Variants in NEK3 observed in about 807,000 individuals in gnomAD.
NEK3 encodes the protein NIMA related kinase 3, also known as serine/threonine-protein kinase Nek3.
NEK3 carries 54 observed loss-of-function variants against 66.0 expected under a neutral mutation model. The observed-to-expected ratio is 0.82, with a 90% confidence interval of 0.66 to 1.03. The LOEUF is 1.03. NEK3 is among the 50% of genes least tolerant of loss of function. The pLI, the probability that NEK3 is intolerant of heterozygous loss-of-function variation, is 0.00. For synonymous variants in NEK3, 200 were observed against 206.2 expected (o/e 0.97, Z 0.26); for missense variants, 593 against 603.0 (o/e 0.98, Z 0.17).
chr13:52,143,924 T>C lies in NEK3; in HGVS notation c.868A>G (p.Arg290Gly). Reference protein sequence around the residue: ...EIKNSKHNTPRKKTNPSRIRI... With the variant: ...EIKNSKHNTPGKKTNPSRIRI... ...CTGTCAAAATTCTTACTTTTTTTTC[T>C]TGGTGTGTTATGCTTCGAATTTTTT... The change falls in exon 10 of 16, where the codon AGA becomes GGA. Residue 290 changes from arginine (R) to glycine (G), a missense_variant. Physicochemically the swap from Arg to Gly is moderately radical, Grantham distance 125. Transcript: ENST00000610828. The C allele has an allele frequency of 6.8e-7, 1 of 1,466,434 alleles. No individual in the cohort carries two copies. Among genetic ancestry groups the C allele is most frequent in the Non-Finnish European group, 9.3e-7 (1 of 1,077,122 alleles). 90.8% of individuals were successfully genotyped at this position (1,466,434 alleles called of 1,614,324 possible). A position where few individuals can be genotyped will look rare whatever the true frequency, so the allele number is the denominator to read the frequency against.
intron 11 of NEK3, 92 bp downstream of exon 11, chr13:52,140,928 C>A: frequency 9.8e-7 from 1 of 1,019,146 alleles, no homozygotes; most frequent in Non-Finnish European, 1.4e-6. Flanking sequence ...GATTCTCCTG[C>A]CTCAACCTCC....
intron 11 of NEK3, among the ~76,000 whole-genome samples, chr13:52,140,049 C>CAAAAAA (rs34051162): frequency 1.2e-5 from 1 of 86,666 alleles, no homozygotes; most frequent in African/African-American, 5.6e-5. Context: ...AAAAAAATGC[C>CAAAAAA]AAAAAAAAAA....
intron 12 of NEK3, 82 bp from the exon 13 acceptor site, chr13:52,136,341 A>C: frequency 7.5e-7 from 1 of 1,327,654 alleles, no homozygotes; most frequent in Non-Finnish European, 1.0e-6. Context: ...TCTAACAAAT[A>C]TGGAAGTGTT....
At chr13:52,156,388 T>A in intron 1 of NEK3, 140 bp from the exon 2 acceptor site, 1 of 403,560 alleles carries the variant, frequency 2.5e-6, no homozygotes, top group Non-Finnish European at 4.5e-6. Context: ...TACCCCAAAA[T>A]ATGCCACTTT....
rs962408583 is a variant in NEK3, at chr13:52,135,739, T to C, written c.1299A>G (p.Ile433Met). The C allele has an allele frequency of 1.2e-6, 2 of 1,612,784 alleles. No individual in the cohort carries two copies. Among genetic ancestry groups the C allele is most frequent in the African/African-American group, 1.3e-5 (1 of 75,010 alleles). Residue 433 changes from isoleucine to methionine, a missense_variant, in exon 14 of 16, where the codon ATA (isoleucine) becomes ATG (methionine). Physicochemically the swap from Ile to Met is conservative, Grantham distance 10. Transcript: ENST00000610828. ...ACAGACATGAATTACCTGGTCTATA[T>C]ATTGTGTATGTTTGAAAAGCCAAGC... ...DLSLAFQTYT[I>M]YRPGSEGFLK...
rs1555319853 is a variant in NEK3 at position 52,133,615 on chromosome 13, T to TAACACA, written c.1436+73_1436+74insTGTGTT. 3 of 1,309,398 alleles carry TAACACA rather than the reference T, an allele frequency of 2.3e-6. No homozygotes were observed. In the African/African-American group the frequency reaches 4.6e-5, roughly 20 times the overall value. The allele number at this position is 1,309,398 out of a possible 1,614,324, so 81.1% of individuals were successfully genotyped here. A position where few individuals can be genotyped will look rare whatever the true frequency, so the allele number is the denominator to read the frequency against. On this transcript the variant is annotated intron_variant, in intron 15 of 15. Coordinates refer to ENST00000610828, the MANE Select transcript of NEK3 (RefSeq NM_002498.3). ...TGAAATTATCATGGTCTAATTTAAA[T>TAACACA]CACACACACACACACACACACACAC...
chr13:52,156,050 G>A, intron 2 of NEK3, 25 bp downstream of exon 2: 1 of 1,443,836 alleles, frequency 6.9e-7, no homozygotes, highest in Non-Finnish European at 9.6e-7. Context: ...TACTTTCAAA[G>A]TGAGCTAATT....
chr13:52,142,477 C>T (rs141489211), intron 10 of NEK3, among the ~76,000 whole-genome samples: 3 of 152,198 alleles, frequency 2.0e-5, no homozygotes, highest in African/African-American at 4.8e-5. Context: ...GGGGTTTCAC[C>T]ATGTTCGCCA....
intron 1 of NEK3, 187 bp from the exon 2 acceptor site, chr13:52,156,435 C>G (rs144798296): frequency 5.8e-4 from 188 of 324,346 alleles, no homozygotes; most frequent in African/African-American, 3.3e-3. Flanking sequence ...CCAATTTGCT[C>G]TTTGCCCTCC....
chr13:52,148,635 A>G (rs1443025924), intron 7 of NEK3, among the ~76,000 whole-genome samples, 166 bp from the exon 8 acceptor site: 1 of 152,238 alleles, frequency 6.6e-6, no homozygotes, highest in African/African-American at 2.4e-5. Context: ...AGTGTTCACA[A>G]TAAAACTCTC....
intron 8 of NEK3, among the ~76,000 whole-genome samples, chr13:52,145,945 A>AAT (rs1956292627): frequency 1.3e-5 from 2 of 152,204 alleles, no homozygotes; most frequent in East Asian, 3.8e-4. Context: ...CAGAACTTAA[A>AAT]ATAAAAATTT....
chr13:52,158,510 C>G (rs892436471), intron 1 of NEK3, among the ~76,000 whole-genome samples: 1 of 152,158 alleles, frequency 6.6e-6, no homozygotes, highest in African/African-American at 2.4e-5. Context: ...TGATCTTATT[C>G]TTCGTTTCTT....
chr13:52,133,615 TCACACACACACA>T lies in NEK3; in HGVS notation c.1436+62_1436+73del, dbSNP rs3831081. On this transcript the variant is annotated intron_variant, in intron 15 of 15. Transcript: ENST00000610828. ...TGAAATTATCATGGTCTAATTTAAA[TCACACACACACA>T]CACACACACACACACACACCCCCAA... The T allele has an allele frequency of 1.3e-3, 1,740 of 1,309,488 alleles. 10 individuals are homozygous for T. The highest frequency in any genetic ancestry group is 4.3e-4 in the Middle Eastern group (2 of 4,672). 81.1% of individuals were successfully genotyped at this position (1,309,488 alleles called of 1,614,324 possible).
At chr13:52,134,303 G>A (rs1282513706) in intron 14 of NEK3, among the ~76,000 whole-genome samples, 1 of 151,944 alleles carries the variant, frequency 6.6e-6, no homozygotes, top group Non-Finnish European at 1.5e-5. Context: ...GGGATTACAG[G>A]CGTGAGCCAC....
intron 12 of NEK3, among the ~76,000 whole-genome samples, chr13:52,136,557 T>C (rs1312227539): frequency 6.6e-6 from 1 of 152,198 alleles, no homozygotes; most frequent in Non-Finnish European, 1.5e-5. Flanking sequence ...ACACACAGTA[T>C]GCTATGCTTT....
chr13:52,150,151 G>C (rs1411845059), intron 7 of NEK3, among the ~76,000 whole-genome samples: 1 of 152,110 alleles, frequency 6.6e-6, no homozygotes, highest in Admixed American at 6.6e-5. Flanking sequence ...TTTTCAGAAA[G>C]CAAGTCAGCA....
intron 10 of NEK3, among the ~76,000 whole-genome samples, chr13:52,142,541 G>A (rs1956260667): frequency 6.6e-6 from 1 of 152,234 alleles, no homozygotes; most frequent in South Asian, 2.1e-4. Flanking sequence ...TTCCCTAAGT[G>A]CTGGGATTAC....
chr13:52,153,970 C>T lies in NEK3; in HGVS notation c.234G>A (p.Val78=). Residue 78 remains valine, a synonymous_variant, in exon 4 of 16, where the codon GTG becomes GTA. Coordinates refer to ENST00000610828, the MANE Select transcript of NEK3 (RefSeq NM_002498.3). ...SFEAEGHLYI[V]MEYCDGGDLM... Reference sequence around the variant, plus strand: ...GATCCCCTCCATCACAGTATTCCATCACAATATACAAGTGTCCTTCAGCTA... The same window carrying T: ...GATCCCCTCCATCACAGTATTCCATTACAATATACAAGTGTCCTTCAGCTA... 6.2e-7 allele frequency: 1 copy of T among 1,612,914 alleles called. No individual in the cohort carries two copies. Among genetic ancestry groups the T allele is most frequent in the African/African-American group, 1.3e-5 (1 of 74,994 alleles).
intron 15 of NEK3, 117 bp downstream of exon 15, chr13:52,133,572 A>AGAG: frequency 7.6e-7 from 1 of 1,315,022 alleles, no homozygotes; most frequent in Non-Finnish European, 1.0e-6. Flanking sequence ...AAGTAATATA[A>AGAG]GAGGTCCCTA....
Sources: gnomAD v4.1 joint callset for allele counts (sites outside exome capture counted in the v4.1 genomes callset) on GRCh38, gnomAD v4.1.1 for gene constraint, MANE v1.5 for transcripts, NCBI Gene and HGNC (gene_info 2026-07-23, HGNC 2026-07-21) for gene names.